Variants in FOXJ2 observed in about 807,000 individuals in gnomAD.
FOXJ2 encodes the protein forkhead box J2.
Under a neutral mutation model 68.4 loss-of-function variants are expected in FOXJ2, and 18 were observed. The ratio of observed to expected loss-of-function variants is 0.26; its 90% confidence interval spans 0.18 to 0.39. The LOEUF (loss-of-function observed/expected upper bound fraction) is 0.39. Ranked by LOEUF, FOXJ2 falls within the 10% of genes least tolerant of loss-of-function variation. The pLI is 1.00. For synonymous variants in FOXJ2, 274 were observed against 263.2 expected, an observed-to-expected ratio of 1.04 and a Z score of -0.40; for missense variants, 670 against 726.5, an observed-to-expected ratio of 0.92 and a Z score of 0.89.
intron 6 of FOXJ2, 108 bp downstream of exon 6, chr12:8,045,066 C>A (rs1947017626): frequency 2.6e-6 from 3 of 1,132,884 alleles, no homozygotes; most frequent in Non-Finnish European, 3.7e-6. Context: ...TTTTGTGAGA[C>A]AGGGTCTCAC....
intron 6 of FOXJ2, among the ~76,000 whole-genome samples, chr12:8,045,753 GT>G (rs1947028249): frequency 1.3e-5 from 2 of 152,084 alleles, no homozygotes; most frequent in South Asian, 2.1e-4. Flanking sequence ...CGCCTCCCAG[GT>G]TCAAGCAATT....
At position 8,032,802 on chromosome 12, in the gene FOXJ2, G is replaced by T. The variant is rs1281358403; in HGVS notation, c.-1046G>T. On this transcript the variant is annotated 5_prime_UTR_variant, in exon 1 of 11. Coordinates refer to ENST00000162391, the MANE Select transcript of FOXJ2 (RefSeq NM_018416.3). The surrounding 1 kb of genome is among the most constrained non-coding windows in gnomAD (Gnocchi z 4.8). ...GGCTCCCCGGGAGCCCAGACTGGTC[G>T]GAGCCCGAGCGGTGGCAGCGCGGGG... 1 of 398,084 alleles carries T rather than the reference G, an allele frequency of 2.5e-6. No individual in the cohort carries two copies. The highest frequency in any genetic ancestry group is 2.1e-5 in the African/African-American group (1 of 48,576). 24.7% of individuals were successfully genotyped at this position (398,084 alleles called of 1,614,324 possible). A position where few individuals can be genotyped will look rare whatever the true frequency, so the allele number is the denominator to read the frequency against.
At chr12:8,048,928 C>G (rs1565630710) in intron 8 of FOXJ2, 130 bp downstream of exon 8, 1 of 684,816 alleles carries the variant, frequency 1.5e-6, no homozygotes, top group Non-Finnish European at 2.5e-6. Context: ...TTTCTTTTTA[C>G]ACAAGATGGA....
intron 5 of FOXJ2, among the ~76,000 whole-genome samples, chr12:8,044,434 G>A (rs760710959): frequency 2.6e-5 from 4 of 152,292 alleles, no homozygotes; most frequent in South Asian, 2.1e-4. Flanking sequence ...TTAGCTGGGC[G>A]TGGTGGCATG....
At position 8,052,817 on chromosome 12, in the gene FOXJ2, C is replaced by A; in HGVS notation, c.1692C>A (p.Ile564=). 6.2e-7 allele frequency: 1 copy of A among 1,610,094 alleles called. No homozygotes were observed. Among genetic ancestry groups the A allele is most frequent in the South Asian group, 1.1e-5 (1 of 90,298 alleles). Residue 564 remains isoleucine (I), a synonymous_variant, in exon 11 of 11, where the codon ATC becomes ATA. Transcript: ENST00000162391. The stretch of plus-strand genomic sequence containing the variant: ...CACCTCCTGGTGCCAATGAGGAGAT[C>A]CCTGATGACTTCGACTGGGACTTGA... ...SVPPPGANEE[I]PDDFDWDLIT
chr12:8,045,073 T>C lies in FOXJ2; in HGVS notation c.817+115T>C. On this transcript the variant is annotated intron_variant, in intron 6 of 10. Transcript: ENST00000162391. ...TTTTTATTTTTTGTGAGACAGGGTC[T>C]CACTCTTTCGTCCAAGCTGGAGTGC... is the stretch of plus-strand genomic sequence containing the variant. 3.7e-6 allele frequency: 4 copies of C among 1,088,252 alleles called. No homozygotes were observed. In the South Asian group the frequency reaches 4.8e-5, roughly 13 times the overall value. 67.4% of individuals were successfully genotyped at this position (1,088,252 alleles called of 1,614,324 possible). A position where few individuals can be genotyped will look rare whatever the true frequency, so the allele number is the denominator to read the frequency against.
rs201469015 is a variant in FOXJ2 at position 8,039,950 on chromosome 12, C to T, written c.118C>T (p.Arg40Cys). The change falls in exon 2 of 11, where the codon CGC (arginine) becomes TGC (cysteine). Residue 40 changes from arginine (R) to cysteine (C), a missense_variant. Physicochemically the swap from Arg to Cys is radical, Grantham distance 180. Around this residue, in one of 2 missense-constraint regions of FOXJ2, gnomAD observed 115 missense variants for 164.3 expected, o/e 0.70. Transcript: ENST00000162391. ...CCAGGCTGGGCCTCCCGGGAGCAGC[C>T]GCAAGTGTTCACCAGGGTCACCCAC... ...ASQAGPPGSS[R>C]KCSPGSPTDP... The T allele has an allele frequency of 1.7e-5, 28 of 1,614,038 alleles. No homozygotes were observed. The highest frequency in any genetic ancestry group is 5.0e-5 in the Admixed American group (3 of 60,008).
chr12:8,042,050 G>T (rs939402795), intron 2 of FOXJ2, among the ~76,000 whole-genome samples: 5 of 152,028 alleles, frequency 3.3e-5, no homozygotes, highest in African/African-American at 1.2e-4. Context: ...GCTAATTTTT[G>T]TATTTTTAGT....
chr12:8,042,265 C>A (rs1264778411), intron 2 of FOXJ2, among the ~76,000 whole-genome samples: 1 of 152,194 alleles, frequency 6.6e-6, no homozygotes, highest in Non-Finnish European at 1.5e-5. Flanking sequence ...GTTTTTGTTT[C>A]ACTCAATTTA....
At chr12:8,042,575 T>G (rs1946979445) in intron 2 of FOXJ2, 83 bp from the exon 3 acceptor site, 22 of 1,178,420 alleles carry the variant, frequency 1.9e-5, no homozygotes, top group Non-Finnish European at 2.8e-5. Flanking sequence ...TATTATGTTT[T>G]TTTGTGTGTC....
chr12:8,049,892 C>T (rs754976446), intron 9 of FOXJ2: 9 of 397,318 alleles, frequency 2.3e-5, no homozygotes, highest in Non-Finnish European at 2.2e-5. Flanking sequence ...TGGGTGATAC[C>T]GGATGAAATG....
chr12:8,049,315 G>C (rs201970087), intron 8 of FOXJ2, 47 bp from the exon 9 acceptor site: 1 of 1,529,716 alleles, frequency 6.5e-7, no homozygotes, highest in East Asian at 2.3e-5. Flanking sequence ...TCTGATAGGG[G>C]CTTCCTACCT....
intron 10 of FOXJ2, 28 bp downstream of exon 10, chr12:8,050,648 C>T (rs1947104424): frequency 6.2e-7 from 1 of 1,612,152 alleles, no homozygotes. Context: ...TGTTTCAAAA[C>T]CGTTGTACTC....
At chr12:8,037,622 G>C (rs1228750017) in intron 1 of FOXJ2, among the ~76,000 whole-genome samples, 3 of 152,160 alleles carry the variant, frequency 2.0e-5, no homozygotes, top group Non-Finnish European at 2.9e-5. Flanking sequence ...GAAGGCCTCC[G>C]TGCTCTTAAG....
Position 8,048,407 on chromosome 12 carries a change from C to T in FOXJ2, c.1225+118C>T, listed in dbSNP as rs1369244134. On this transcript the variant is annotated intron_variant, in intron 7 of 10. Transcript: ENST00000162391. The stretch of plus-strand genomic sequence containing the variant: ...ATGATGGGTCTTTTAGGCTTCGCTC[C>T]TTCATGTGAGCTAATCTGAACAAAG... The T allele has an allele frequency of 2.8e-6, 4 of 1,452,484 alleles. No homozygotes were observed. In the African/African-American group the frequency reaches 5.7e-5, roughly 21 times the overall value. 90.0% of individuals were successfully genotyped at this position (1,452,484 alleles called of 1,614,324 possible).
chr12:8,049,909 C>G, intron 9 of FOXJ2: 1 of 379,560 alleles, frequency 2.6e-6, no homozygotes, highest in Non-Finnish European at 4.7e-6. Flanking sequence ...AATGGTGGTT[C>G]TATGCTTATG....
intron 1 of FOXJ2, among the ~76,000 whole-genome samples, chr12:8,039,157 C>T (rs988287112): frequency 6.6e-6 from 1 of 151,824 alleles, no homozygotes; most frequent in Non-Finnish European, 1.5e-5. Flanking sequence ...TATATGTAAT[C>T]GTGATCTCTG....
rs760583476 is a variant in FOXJ2, at chr12:8,048,118, G to C, written c.1054G>C (p.Ala352Pro). 3 of 1,613,158 alleles carry C rather than the reference G, an allele frequency of 1.9e-6. No individual in the cohort carries two copies. The South Asian group carries it at 3.3e-5, about 18-fold the overall frequency. ...TTGTACCCCACCAGGGGGAAAGCAA[G>C]CTGGGGCGGAAGGCTATGGGCCTCC... ...DGCTPPGGKQAGAEGYGPPPV... is the reference protein window; with the variant it reads ...DGCTPPGGKQPGAEGYGPPPV... The change falls in exon 7 of 11, where the codon GCT becomes CCT. Residue 352 changes from alanine to proline, a missense_variant. Physicochemically the swap from Ala to Pro is conservative, Grantham distance 27. Around this residue, in one of 2 missense-constraint regions of FOXJ2, gnomAD observed 555 missense variants for 562.2 expected, o/e 0.99. Transcript: ENST00000162391.
chr12:8,048,285 C>G lies in FOXJ2; in HGVS notation c.1221C>G (p.Gly407=), dbSNP rs766921482. The change falls in exon 7 of 11, where the codon GGC becomes GGG. Residue 407 remains glycine, a synonymous_variant. Transcript: ENST00000162391. ...AQGQAPINNT[G]FAFPSDWCSN... ...GCCAGGCTCCCATCAACAACACTGGCTTTGGTGAGTAAGGAGGGTGCACAG... is the reference window on the plus strand; with the variant it reads ...GCCAGGCTCCCATCAACAACACTGGGTTTGGTGAGTAAGGAGGGTGCACAG... 6.4e-7 allele frequency: 1 copy of G among 1,563,648 alleles called. No individual in the cohort carries two copies. Among genetic ancestry groups the G allele is most frequent in the South Asian group, 1.2e-5 (1 of 83,334 alleles).
Sources: gnomAD v4.1 joint callset for allele counts (sites outside exome capture counted in the v4.1 genomes callset) on GRCh38, gnomAD v4.1.1 for gene constraint, gnomAD v4.1.1 regional missense constraint, Gnocchi (gnomAD v3.1) non-coding constraint, MANE v1.5 for transcripts, NCBI Gene and HGNC (gene_info 2026-07-23, HGNC 2026-07-21) for gene names.